The following MBOAT4 variants were observed in gnomAD, a reference collection of about 807,000 sequenced individuals.
The protein encoded by MBOAT4 is membrane-bound ghrelin O-acyltransferase MBOAT4.
A neutral mutation model predicts 13.2 loss-of-function variants in MBOAT4; 11 were observed. That is an observed-to-expected ratio of 0.84 (90% CI 0.53 to 1.38). The LOEUF (loss-of-function observed/expected upper bound fraction) is 1.38. Among genes scored for constraint, MBOAT4 ranks in the 40% most tolerant of loss-of-function variants. MBOAT4 has a pLI of 0.00. For missense variants in MBOAT4, 481 were observed against 527.2 expected, an observed-to-expected ratio of 0.91 and a Z score of 0.86; for synonymous variants, 202 against 210.3, an observed-to-expected ratio of 0.96 and a Z score of 0.34.
At chr8:30,137,463 T>C (rs1303773580) in intron 2 of MBOAT4, 4 of 1,551,610 alleles carry the variant, frequency 2.6e-6, no homozygotes, top group Non-Finnish European at 2.6e-6. Flanking sequence ...CTCTGTGGGC[T>C]CTAGGATTCC....
At chr8:30,133,939 A>G (rs1291289326) in intron 2 of MBOAT4, among the ~76,000 whole-genome samples, 2 of 152,184 alleles carry the variant, frequency 1.3e-5, no homozygotes, top group African/African-American at 4.8e-5. Flanking sequence ...AAACTACCAC[A>G]AAAGACTGCA....
At position 30,131,942 on chromosome 8, in the gene MBOAT4, G is replaced by A. The variant is rs1803023326; in HGVS notation, c.*1C>T. The A allele has an allele frequency of 7.8e-6, 12 of 1,541,208 alleles. No individual in the cohort carries two copies. The highest frequency in any genetic ancestry group is 1.4e-5 in the African/African-American group (1 of 72,792). ...TTTAAGGTGAAAGCCAGGGAAAGAT[G>A]TCAGTTACATTTGTGCTTTCTCTTC... On this transcript the variant is annotated 3_prime_UTR_variant, in exon 3 of 3. Coordinates refer to ENST00000320542, the MANE Select transcript of MBOAT4 (RefSeq NM_001100916.2).
chr8:30,133,016 A>G, intron 2 of MBOAT4, 110 bp from the exon 3 acceptor site: 2 of 1,019,600 alleles, frequency 2.0e-6, no homozygotes, highest in Non-Finnish European at 2.7e-6. Context: ...CTGTACAGCT[A>G]AGATTAATCT....
intron 1 of MBOAT4, among the ~76,000 whole-genome samples, chr8:30,140,419 C>T (rs9297202): frequency 3.9e-5 from 6 of 152,250 alleles, no homozygotes; most frequent in Non-Finnish European, 5.9e-5. Flanking sequence ...TTTGTCAGCA[C>T]CAACACTGGC....
Position 30,139,341 on chromosome 8 carries a change from C to T in MBOAT4, c.120-585G>A, listed in dbSNP as rs184863389. On this transcript the variant is annotated intron_variant, in intron 1 of 2. Coordinates refer to ENST00000320542, the MANE Select transcript of MBOAT4 (RefSeq NM_001100916.2). ...GCGATTCCCTCCCAAGGTATTCCAC[C>T]GCCTGCCCCTGACCGTCCTGGAAGT... Among the ~76,000 whole-genome samples the T allele has an allele frequency of 2.0e-3, 306 of 152,132 alleles. 1 individual carries two copies. Among genetic ancestry groups the T allele is most frequent in the African/African-American group, 7.0e-3 (292 of 41,504 alleles).
rs1053897362 is a variant in MBOAT4, at chr8:30,138,167, A to G, written c.344+365T>C. ...CTCAGATCCCCAAATGCTCAGGGAAACTGATTATGATTACCCCAAAGCTTG... is the reference window on the plus strand; with the variant it reads ...CTCAGATCCCCAAATGCTCAGGGAAGCTGATTATGATTACCCCAAAGCTTG... On this transcript the variant is annotated intron_variant, in intron 2 of 2. Transcript: ENST00000320542. 4 of 175,620 alleles carry G rather than the reference A, an allele frequency of 2.3e-5. No individual in the cohort carries two copies. The South Asian group carries it at 4.0e-4, about 18-fold the overall frequency. 10.9% of individuals were successfully genotyped at this position (175,620 alleles called of 1,614,324 possible).
At chr8:30,136,673 C>G (rs1170504857) in intron 2 of MBOAT4, among the ~76,000 whole-genome samples, 1 of 151,990 alleles carries the variant, frequency 6.6e-6, no homozygotes, top group East Asian at 1.9e-4. Context: ...GCCATCTTGC[C>G]TTTTCCTTAG....
chr8:30,131,843 T>G lies in MBOAT4; in HGVS notation c.*100A>C, dbSNP rs142276968. 2.9e-5 allele frequency: 41 copies of G among 1,405,828 alleles called. No homozygotes were observed. In the African/African-American group the frequency reaches 5.5e-4, roughly 19 times the overall value. The allele number at this position is 1,405,828 out of a possible 1,614,324, so 87.1% of individuals were successfully genotyped here. A position where few individuals can be genotyped will look rare whatever the true frequency, so the allele number is the denominator to read the frequency against. On this transcript the variant is annotated 3_prime_UTR_variant, in exon 3 of 3. Transcript: ENST00000320542. ...TATCCATCCAAAACTTTAGAAAAAA[T>G]TTTATTATGGAAAAGTTCAAATGTA... is the stretch of plus-strand genomic sequence containing the variant.
Position 30,138,581 on chromosome 8 carries a change from G to C in MBOAT4, c.295C>G (p.Leu99Val), listed in dbSNP as rs1233338124. Residue 99 changes from leucine (L) to valine (V), a missense_variant, in exon 2 of 3, where the codon CTA becomes GTA. Physicochemically the swap from Leu to Val is conservative, Grantham distance 32 (BLOSUM62 1). Coordinates refer to ENST00000320542, the MANE Select transcript of MBOAT4 (RefSeq NM_001100916.2). ...FQMSWQTLCHLGLHYTEYYLH... is the reference protein window; with the variant it reads ...FQMSWQTLCHVGLHYTEYYLH... ...TAATACTCAGTGTAGTGCAGACCTA[G>C]GTGACACAAGGTCTGCCAGCTCATC... is the stretch of plus-strand genomic sequence containing the variant. The C allele has an allele frequency of 2.6e-6, 4 of 1,551,636 alleles. No individual in the cohort carries two copies. Among genetic ancestry groups the C allele is most frequent in the African/African-American group, 1.4e-5 (1 of 73,148 alleles).
chr8:30,131,870 G>A lies in MBOAT4; in HGVS notation c.*73C>T. The A allele has an allele frequency of 6.9e-7, 1 of 1,454,348 alleles. No homozygotes were observed. The highest frequency in any genetic ancestry group is 1.5e-5 in the South Asian group (1 of 68,440). The allele number at this position is 1,454,348 out of a possible 1,614,324, so 90.1% of individuals were successfully genotyped here. ...TTATTATGGAAAAGTTCAAATGTAT[G>A]CATTATCGATGCGTCATCTGGCACT... On this transcript the variant is annotated 3_prime_UTR_variant, in exon 3 of 3. Coordinates refer to ENST00000320542, the MANE Select transcript of MBOAT4 (RefSeq NM_001100916.2).
Position 30,131,825 on chromosome 8 carries a change from C to T in MBOAT4, c.*118G>A, listed in dbSNP as rs146282921. On this transcript the variant is annotated 3_prime_UTR_variant, in exon 3 of 3. Coordinates refer to ENST00000320542, the MANE Select transcript of MBOAT4 (RefSeq NM_001100916.2). ...ACTGCAAGTCACTGGGTATATCCAT[C>T]CAAAACTTTAGAAAAAATTTTATTA... 2.4e-6 allele frequency: 3 copies of T among 1,273,210 alleles called. No homozygotes were observed. The African/African-American group carries it at 4.5e-5, about 19-fold the overall frequency. The allele number at this position is 1,273,210 out of a possible 1,614,324, so 78.9% of individuals were successfully genotyped here. A position where few individuals can be genotyped will look rare whatever the true frequency, so the allele number is the denominator to read the frequency against.
Position 30,131,793 on chromosome 8 carries a change from A to G in MBOAT4, c.*150T>C, listed in dbSNP as rs1411491265. ...AATAGCTTGCTAAAGTAGATACACA[A>G]ATTCCTACTGCAAGTCACTGGGTAT... On this transcript the variant is annotated 3_prime_UTR_variant, in exon 3 of 3. Coordinates refer to ENST00000320542, the MANE Select transcript of MBOAT4 (RefSeq NM_001100916.2). 1.1e-6 allele frequency: 1 copy of G among 888,144 alleles called. No individual in the cohort carries two copies. Among genetic ancestry groups the G allele is most frequent in the Non-Finnish European group, 1.7e-6 (1 of 604,668 alleles). The allele number at this position is 888,144 out of a possible 1,614,324, so 55.0% of individuals were successfully genotyped here.
At chr8:30,137,360 CCG>C (rs1402482241) in intron 2 of MBOAT4, 2 of 1,551,682 alleles carry the variant, frequency 1.3e-6, no homozygotes. Flanking sequence ...CTCCCAGCAG[CCG>C]CCATGAGAAG....
At chr8:30,137,297 A>G in intron 2 of MBOAT4, 1 of 1,551,672 alleles carries the variant, frequency 6.4e-7, no homozygotes, top group Non-Finnish European at 8.7e-7. Flanking sequence ...TTCTTCAGCA[A>G]GATGGGAACA....
In MBOAT4 at chr8:30,132,761, G is replaced by T; in HGVS notation, c.490C>A (p.Pro164Thr). 1 of 1,551,744 alleles carries T rather than the reference G, an allele frequency of 6.4e-7. No individual in the cohort carries two copies. ...SLSEHVCKAL[P>T]YFSYLLFFPA... is the part of the protein sequence containing the mutation. The stretch of plus-strand genomic sequence containing the variant: ...AAAAAGAGCAAGTAGCTGAAATAGG[G>T]CAGTGCCTTACACACATGCTCAGAC... Residue 164 changes from proline to threonine, a missense_variant, in exon 3 of 3, where the codon CCC becomes ACC. Transcript: ENST00000320542.
chr8:30,136,011 G>A (rs541654730), intron 2 of MBOAT4, among the ~76,000 whole-genome samples: 1 of 152,024 alleles, frequency 6.6e-6, no homozygotes, highest in South Asian at 2.1e-4. Context: ...AACTGCTGCT[G>A]TTTCTATCCA....
intron 2 of MBOAT4, among the ~76,000 whole-genome samples, chr8:30,136,246 G>A (rs2117540787): frequency 6.6e-6 from 1 of 152,310 alleles, no homozygotes; most frequent in South Asian, 2.1e-4. Flanking sequence ...GAGGTCATTA[G>A]GATGGGCGCT....
chr8:30,134,429 CAAAACAAAAAAA>C (rs897296585), intron 2 of MBOAT4, among the ~76,000 whole-genome samples: 12 of 144,858 alleles, frequency 8.3e-5, no homozygotes, highest in African/African-American at 1.8e-4. Context: ...CTCAAAAAAA[CAAAACAAAAAAA>C]AAAACAAAAA....
At chr8:30,137,269 T>C (rs1353843604) in intron 2 of MBOAT4, 3 of 1,550,848 alleles carry the variant, frequency 1.9e-6, no homozygotes, top group South Asian at 1.2e-5. Flanking sequence ...TTCTGTTTTC[T>C]AGATGGGGCG....
Sources: allele counts gnomAD v4.1 joint callset (sites outside exome capture counted in the v4.1 genomes callset), GRCh38; gene constraint gnomAD v4.1.1; transcripts MANE v1.5; gene names NCBI Gene and HGNC (gene_info 2026-07-23, HGNC 2026-07-21).